Variants in DOCK2 observed in about 807,000 individuals in gnomAD.
DOCK2 encodes the protein dedicator of cytokinesis protein 2.
In DOCK2, 87 loss-of-function variants were observed where a neutral mutation model predicts 248.9. The observed-to-expected ratio is 0.35, with a 90% CI of 0.29 to 0.42. DOCK2 has a LOEUF of 0.42. Among genes scored for constraint, DOCK2 ranks in the 10% least tolerant of loss-of-function variants. The pLI is 1.00. For synonymous variants in DOCK2, 805 were observed against 821.6 expected (o/e 0.98, Z 0.35); for missense variants, 1,747 against 2,300.2 (o/e 0.76, Z 4.92).
intron 2 of DOCK2, among the ~76,000 whole-genome samples, chr5:169,666,287 A>C (rs1758727411): frequency 6.6e-6 from 1 of 151,980 alleles, no homozygotes; most frequent in African/African-American, 2.4e-5. Context: ...CAAGGACCCC[A>C]CCTCCTAATG....
intron 44 of DOCK2, among the ~76,000 whole-genome samples, chr5:170,061,210 G>T (rs1005776574): frequency 6.6e-6 from 1 of 152,040 alleles, no homozygotes; most frequent in Non-Finnish European, 1.5e-5. Context: ...TTACTATGTC[G>T]ATAAAGAAAC....
At chr5:170,047,377 C>G (rs1756751576) in intron 39 of DOCK2, 133 bp from the exon 40 acceptor site, 2 of 687,250 alleles carry the variant, frequency 2.9e-6, no homozygotes, top group East Asian at 5.5e-5. Flanking sequence ...ATAGACATAG[C>G]ACAGATATGT....
At chr5:169,705,960 G>A (rs1761237357) in intron 14 of DOCK2, among the ~76,000 whole-genome samples, 1 of 152,212 alleles carries the variant, frequency 6.6e-6, no homozygotes, top group South Asian at 2.1e-4. Context: ...GGGGGCCATG[G>A]GGATAGGCAA....
At chr5:169,853,804 C>CTTTTTTTTTTTTTTTTTTTTTTTTTTTT (rs67124138) in intron 27 of DOCK2, among the ~76,000 whole-genome samples, 1 of 56,818 alleles carries the variant, frequency 1.8e-5, no homozygotes, top group Non-Finnish European at 2.9e-5. Context: ...GGAAAAACAA[C>CTTTTTTTTTTTTTTTTTTTTTTTTTTTT]TTTTTTTTTT....
chr5:170,024,822 C>G (rs903111890), intron 33 of DOCK2, among the ~76,000 whole-genome samples: 2 of 152,182 alleles, frequency 1.3e-5, no homozygotes, highest in African/African-American at 4.8e-5. Flanking sequence ...GACCTTACCC[C>G]TCCAGCTCAC....
At position 169,840,801 on chromosome 5, in the gene DOCK2, G is replaced by A. The variant is rs1316731676; in HGVS notation, c.2748G>A (p.Leu916=). Residue 916 remains leucine, a synonymous_variant, in exon 27 of 52, where the codon CTG becomes CTA. Coordinates refer to ENST00000520908, the MANE Select transcript of DOCK2 (RefSeq NM_004946.3). ...HHIQEIMVQL[L]RTVNRTVITM... ...TCCAGGAGATCATGGTCCAGCTGCT[G>A]CGGACAGTGAACCGGACAGTCATCA... 1 of 1,614,014 alleles carries A rather than the reference G, an allele frequency of 6.2e-7. No homozygotes were observed. The highest frequency in any genetic ancestry group is 1.6e-4 in the Middle Eastern group (1 of 6,062).
chr5:169,855,632 C>T (rs1490134546), intron 27 of DOCK2, among the ~76,000 whole-genome samples: 1 of 152,126 alleles, frequency 6.6e-6, no homozygotes, highest in Non-Finnish European at 1.5e-5. Context: ...GGTAAGAGAA[C>T]ATAGATGTTG....
intron 27 of DOCK2, among the ~76,000 whole-genome samples, chr5:169,943,995 G>C (rs1225368453): frequency 6.6e-6 from 1 of 152,156 alleles, no homozygotes; most frequent in African/African-American, 2.4e-5. Context: ...CTAATAGCAT[G>C]GTGTGACTCT....
chr5:169,759,901 G>A, intron 24 of DOCK2, 126 bp downstream of exon 24: 1 of 1,027,216 alleles, frequency 9.7e-7, no homozygotes. Context: ...CTGTGGCAGG[G>A]GATGTTTTCA....
chr5:169,823,565 C>T (rs1768627214), intron 26 of DOCK2, among the ~76,000 whole-genome samples: 1 of 152,220 alleles, frequency 6.6e-6, no homozygotes, highest in Non-Finnish European at 1.5e-5. Flanking sequence ...TGACAAAATT[C>T]AGCAGCCCTT....
chr5:169,687,687 T>A (rs75300079), intron 8 of DOCK2, among the ~76,000 whole-genome samples: 3,334 of 152,294 alleles, frequency 0.022, 63 homozygotes, highest in East Asian at 0.072. Flanking sequence ...CTTAAATAAG[T>A]GCTAGACCTC....
At chr5:169,742,847 A>G (rs917481214) in intron 22 of DOCK2, among the ~76,000 whole-genome samples, 4 of 152,158 alleles carry the variant, frequency 2.6e-5, no homozygotes, top group African/African-American at 9.7e-5. Flanking sequence ...ATATTTATCC[A>G]AGCCCTGGGA....
At chr5:169,648,383 T>C (rs1043189633) in intron 1 of DOCK2, among the ~76,000 whole-genome samples, 3 of 152,176 alleles carry the variant, frequency 2.0e-5, no homozygotes, top group Non-Finnish European at 4.4e-5. Flanking sequence ...GATCACTGTT[T>C]GAGAGAATTC....
At chr5:170,072,488 A>T (rs1369100940) in intron 46 of DOCK2, among the ~76,000 whole-genome samples, 1 of 152,240 alleles carries the variant, frequency 6.6e-6, no homozygotes, top group Non-Finnish European at 1.5e-5. Context: ...TAAAGTTGCT[A>T]TGAACATTCG....
chr5:169,855,001 G>A lies in DOCK2; in HGVS notation c.2799+14149G>A, dbSNP rs550944629. On this transcript the variant is annotated intron_variant, in intron 27 of 51. Coordinates refer to ENST00000520908, the MANE Select transcript of DOCK2 (RefSeq NM_004946.3). ...GGTGACATTTAAATTGCAACTTACT[G>A]TCTGGCATCGGAGTTAGGAGCCCAG... Among the ~76,000 whole-genome samples, 20 of 152,334 alleles carry A rather than the reference G, an allele frequency of 1.3e-4. 1 individual carries two copies. The highest frequency in any genetic ancestry group is 3.8e-4 in the African/African-American group (16 of 41,582).
intron 27 of DOCK2, among the ~76,000 whole-genome samples, chr5:169,951,100 G>C (rs1776646414): frequency 6.6e-6 from 1 of 152,122 alleles, no homozygotes; most frequent in South Asian, 2.1e-4. Flanking sequence ...CCTTATCTGG[G>C]ACACGGTCCC....
intron 27 of DOCK2, among the ~76,000 whole-genome samples, chr5:169,978,603 A>G (rs1401582697): frequency 1.3e-5 from 2 of 152,062 alleles, no homozygotes; most frequent in Admixed American, 1.3e-4. Context: ...TGATCACACA[A>G]TACTGGGTTT....
At chr5:169,797,695 ATACCTAAGGC>A (rs756527964) in intron 25 of DOCK2, among the ~76,000 whole-genome samples, 228 of 152,292 alleles carry the variant, frequency 1.5e-3, no homozygotes, top group Non-Finnish European at 1.9e-3. Context: ...CAGACATTGG[ATACCTAAGGC>A]AGGAACCCAG....
chr5:170,082,674 A>G, intron 51 of DOCK2, 122 bp from the exon 52 acceptor site: 3 of 1,262,142 alleles, frequency 2.4e-6, no homozygotes, highest in South Asian at 2.7e-5. Flanking sequence ...AGCAGCTCAC[A>G]TTCACTGGGC....
Sources: allele counts gnomAD v4.1 joint callset (sites outside exome capture counted in the v4.1 genomes callset), GRCh38; gene constraint gnomAD v4.1.1; transcripts MANE v1.5; gene names NCBI Gene and HGNC (gene_info 2026-07-23, HGNC 2026-07-21).